TSPEAR: variants seen among roughly 807,000 people sequenced by gnomAD.
TSPEAR encodes thrombospondin-type laminin G domain and EAR repeat-containing protein.
TSPEAR carries 69 observed loss-of-function variants against 71.6 expected under a neutral mutation model. That is an observed-to-expected ratio of 0.96 (90% CI 0.79 to 1.18). The LOEUF (loss-of-function observed/expected upper bound fraction) is 1.18. Among genes scored for constraint, TSPEAR ranks in the 50% most tolerant of loss-of-function variants. The pLI is 0.00. For synonymous variants in TSPEAR, 402 were observed against 387.2 expected (o/e 1.04, Z -0.45); for missense variants, 971 against 894.9 (o/e 1.09, Z -1.09).
intron 1 of TSPEAR, chr21:44,678,220 C>T (rs1986416327): frequency 5.6e-6 from 2 of 355,266 alleles, no homozygotes; most frequent in Non-Finnish European, 5.2e-6. Context: ...TGTGTCCCCA[C>T]CCAAACTTGA....
chr21:44,553,739 C>T lies in TSPEAR; in HGVS notation c.303+14046G>A, dbSNP rs995665949. Among the ~76,000 whole-genome samples the T allele has an allele frequency of 7.9e-5, 12 of 152,118 alleles. No homozygotes were observed. In the South Asian group the frequency reaches 1.2e-3, roughly 16 times the overall value. On this transcript the variant is annotated intron_variant, in intron 2 of 11. Coordinates refer to ENST00000323084, the MANE Select transcript of TSPEAR (RefSeq NM_144991.3). ...ATCAGGCCACCTAGACATGCATTGACGAGTTTTTCAATGTAGAAGACCTAA... is the reference window on the plus strand; with the variant it reads ...ATCAGGCCACCTAGACATGCATTGATGAGTTTTTCAATGTAGAAGACCTAA...
At position 44,529,820 on chromosome 21, in the gene TSPEAR, G is replaced by A. The variant is rs149546806; in HGVS notation, c.768C>T (p.Asn256=). 21 of 1,613,780 alleles carry A rather than the reference G, an allele frequency of 1.3e-5. 1 individual carries two copies. Among genetic ancestry groups the A allele is most frequent in the Middle Eastern group, 3.3e-4 (2 of 6,080 alleles). The change falls in exon 5 of 12, where the codon AAC becomes AAT. Residue 256 remains asparagine (N), a synonymous_variant. Transcript: ENST00000323084. ...LQALTGKPED[N]EVLKYPYETN... ...AACCATAGGGATATTTTAGCACCTCGTTATCTTCTGGCTTCCCCGTGAGAG... is the reference window on the plus strand; with the variant it reads ...AACCATAGGGATATTTTAGCACCTCATTATCTTCTGGCTTCCCCGTGAGAG...
rs868967738 is a variant in TSPEAR at position 44,540,231 on chromosome 21, T to A, written c.304-6308A>T. 5.8e-6 allele frequency: 9 copies of A among 1,562,636 alleles called. No homozygotes were observed. In the African/African-American group the frequency reaches 8.1e-5, roughly 14 times the overall value. On this transcript the variant is annotated intron_variant, in intron 2 of 11. Transcript: ENST00000323084. ...CAGTGTGTGTGTGAGTGACTGAGTG[T>A]GTGAGTGAGTGTGTGAGCTTCGTGG...
intron 2 of TSPEAR, chr21:44,558,000 G>A (rs373079229): frequency 2.4e-4 from 378 of 1,563,722 alleles, no homozygotes; most frequent in South Asian, 4.0e-4. Flanking sequence ...AAGGATTTTC[G>A]GAAGTCAGAG....
chr21:44,615,547 A>AT (rs1555932255), intron 1 of TSPEAR, among the ~76,000 whole-genome samples: 1 of 64,468 alleles, frequency 1.6e-5, no homozygotes, highest in African/African-American at 6.0e-5. Flanking sequence ...CCATAACCAA[A>AT]GGTTTTTTTT....
At chr21:44,644,805 G>A (rs587706157) in intron 1 of TSPEAR, among the ~76,000 whole-genome samples, 3 of 152,224 alleles carry the variant, frequency 2.0e-5, no homozygotes, top group East Asian at 1.9e-4. Flanking sequence ...AAAACACTTC[G>A]GAGATAAGTC....
At position 44,527,532 on chromosome 21, in the gene TSPEAR, C is replaced by CGTTGTG. The variant is rs782063936; in HGVS notation, c.923-20_923-15dup. The CGTTGTG allele has an allele frequency of 2.4e-5, 38 of 1,611,844 alleles. 1 individual carries two copies. The African/African-American group carries it at 2.8e-4, about 12-fold the overall frequency. On this transcript the variant is annotated splice_polypyrimidine_tract_variant and intron_variant, in intron 6 of 11. Coordinates refer to ENST00000323084, the MANE Select transcript of TSPEAR (RefSeq NM_144991.3). ...GTCTTTCTTTGGCTTGTGATAGAAACGTTGTGACTCGGTTAAGATTTCCGA... is the reference window on the plus strand; with the variant it reads ...GTCTTTCTTTGGCTTGTGATAGAAACGTTGTGGTTGTGACTCGGTTAAGATTTCCGA...
chr21:44,697,843 C>T, intron 1 of TSPEAR: 1 of 1,604,318 alleles, frequency 6.2e-7, no homozygotes. Context: ...TCCCCTCCTG[C>T]TGTGTCCCCA....
chr21:44,566,707 C>G (rs776964504), intron 2 of TSPEAR, among the ~76,000 whole-genome samples: 3 of 151,822 alleles, frequency 2.0e-5, no homozygotes, highest in African/African-American at 7.3e-5. Flanking sequence ...AGAAATAAAC[C>G]CACCTATCTA....
chr21:44,534,127 G>C (rs2145988902), intron 2 of TSPEAR, among the ~76,000 whole-genome samples: 1 of 117,564 alleles, frequency 8.5e-6, no homozygotes, highest in Middle Eastern at 3.8e-3. Flanking sequence ...GGGAGGGATG[G>C]GGTTGATGGA....
chr21:44,509,213 G>A lies in TSPEAR; in HGVS notation c.1740C>T (p.Asp580=), dbSNP rs904881076. The stretch of plus-strand genomic sequence containing the variant: ...GAGGCGCATACCTGCAGGTGAGAAT[G>A]TCCTGGAACTTGACAAAGGCCTGCG... ...VTAQAFVKFQ[D]ILTCSALDWE... Residue 580 remains aspartate (D), a synonymous_variant, in exon 10 of 12, where the codon GAC becomes GAT. Transcript: ENST00000323084. 4 of 1,613,832 alleles carry A rather than the reference G, an allele frequency of 2.5e-6. No individual in the cohort carries two copies. In the African/African-American group the frequency reaches 5.3e-5, roughly 22 times the overall value.
intron 9 of TSPEAR, among the ~76,000 whole-genome samples, chr21:44,510,337 C>T (rs1394462997): frequency 6.6e-6 from 1 of 152,226 alleles, no homozygotes; most frequent in African/African-American, 2.4e-5. Context: ...TCCTGACTCA[C>T]CCCCGTCCGG....
At chr21:44,661,576 T>TA (rs1985499492) in intron 1 of TSPEAR, among the ~76,000 whole-genome samples, 1 of 152,164 alleles carries the variant, frequency 6.6e-6, no homozygotes, top group Admixed American at 6.5e-5. Context: ...TATAAGGAAA[T>TA]ACCTGAGACT....
intron 1 of TSPEAR, chr21:44,677,872 G>A (rs906923424): frequency 4.9e-5 from 66 of 1,357,086 alleles, no homozygotes; most frequent in Admixed American, 4.0e-4. Flanking sequence ...ACTCTTTCTC[G>A]GAAATGGGAA....
intron 1 of TSPEAR, chr21:44,601,009 A>C (rs233307): frequency 6.3e-7 from 1 of 1,599,750 alleles, no homozygotes; most frequent in Non-Finnish European, 8.5e-7. Context: ...GCCTGTCTGC[A>C]GTGGGGATTC....
chr21:44,597,330 AT>A (rs1352917253), intron 1 of TSPEAR, among the ~76,000 whole-genome samples: 1 of 151,720 alleles, frequency 6.6e-6, no homozygotes, highest in African/African-American at 2.4e-5. Context: ...TTTTTCTGAT[AT>A]TCATAAGTCA....
At chr21:44,627,804 G>A (rs782047305) in intron 1 of TSPEAR, 7 of 1,604,914 alleles carry the variant, frequency 4.4e-6, no homozygotes, top group South Asian at 3.3e-5. Flanking sequence ...TGTGCTGCCA[G>A]CAGTCTGGCT....
chr21:44,601,390 AC>A (rs1476974782), intron 1 of TSPEAR: 1 of 1,605,674 alleles, frequency 6.2e-7, no homozygotes, highest in Non-Finnish European at 8.5e-7. Flanking sequence ...AGCTTGCTGC[AC>A]CTCCTCCCAA....
At chr21:44,669,784 CACCCCCAGAGGTCCT>C (rs1217024855) in intron 1 of TSPEAR, among the ~76,000 whole-genome samples, 1 of 152,220 alleles carries the variant, frequency 6.6e-6, no homozygotes, top group Admixed American at 6.5e-5. Flanking sequence ...CCAGCAGTCC[CACCCCCAGAGGTCCT>C]ACCCCCAGAA....
Sources: gnomAD v4.1 joint callset for allele counts (sites outside exome capture counted in the v4.1 genomes callset) on GRCh38, gnomAD v4.1.1 for gene constraint, MANE v1.5 for transcripts, NCBI Gene and HGNC (gene_info 2026-07-23, HGNC 2026-07-21) for gene names.